Variants in ZNRF3 observed in about 807,000 individuals in gnomAD.
ZNRF3 encodes the protein zinc and ring finger 3.
ZNRF3 carries 23 observed loss-of-function variants against 72.5 expected under a neutral mutation model. The ratio of observed to expected loss-of-function variants is 0.32; its 90% CI spans 0.23 to 0.45. ZNRF3 has a LOEUF of 0.45. Ranked by LOEUF, ZNRF3 falls within the 20% of genes least tolerant of loss-of-function variation. The pLI, the probability that ZNRF3 is intolerant of heterozygous loss-of-function variation, is 1.00. For synonymous variants in ZNRF3, 610 were observed against 545.3 expected, an observed-to-expected ratio of 1.12 and a Z score of -1.65; for missense variants, 1,169 against 1,272.1, an observed-to-expected ratio of 0.92 and a Z score of 1.23.
At chr22:28,941,005 A>G (rs1024367552) in intron 1 of ZNRF3, among the ~76,000 whole-genome samples, 1 of 151,634 alleles carries the variant, frequency 6.6e-6, no homozygotes, top group African/African-American at 2.4e-5. Context: ...GTTCTCTGGC[A>G]TGTTTAGTGA....
At chr22:28,965,212 CATT>C (rs1183852371) in intron 1 of ZNRF3, among the ~76,000 whole-genome samples, 1 of 152,134 alleles carries the variant, frequency 6.6e-6, no homozygotes, top group African/African-American at 2.4e-5. Flanking sequence ...CTAATACTGA[CATT>C]ATAAGGTTGT....
At position 29,030,575 on chromosome 22, in the gene ZNRF3, C is replaced by G. The variant is rs1008556628; in HGVS notation, c.427-11920C>G. On this transcript the variant is annotated intron_variant, in intron 2 of 8. Coordinates refer to ENST00000544604, the MANE Select transcript of ZNRF3 (RefSeq NM_001206998.2). The surrounding 1 kb of genome is among the most constrained non-coding windows in gnomAD (Gnocchi z 4.2). ...ACGGGAGCCTTTGGAGGCTTAATGA[C>G]TTTAATTATGGCGAGAAATATCTTC... 1.3e-5 allele frequency among the ~76,000 whole-genome samples: 2 copies of G among 152,134 alleles called. No individual in the cohort carries two copies. Among genetic ancestry groups the G allele is most frequent in the Admixed American group, 6.5e-5 (1 of 15,278 alleles).
In ZNRF3 at chr22:29,050,135, T is replaced by G; in HGVS notation, c.1954T>G (p.Ser652Ala). Reference protein sequence around the residue: ...GRGEPWPGPASPSGDQVSTCS... With the variant: ...GRGEPWPGPAAPSGDQVSTCS... ...GGGCGAGCCTTGGCCGGGCCCTGCC[T>G]CTCCCTCGGGGGATCAGGTGTCCAC... Residue 652 changes from serine (S) to alanine (A), a missense_variant, in exon 8 of 9, where the codon TCT becomes GCT. By Grantham distance (99) the Ser-to-Ala change is moderately conservative (BLOSUM62 1). Coordinates refer to ENST00000544604, the MANE Select transcript of ZNRF3 (RefSeq NM_001206998.2). 1.2e-6 allele frequency: 2 copies of G among 1,605,876 alleles called. No individual in the cohort carries two copies. The highest frequency in any genetic ancestry group is 1.7e-6 in the Non-Finnish European group (2 of 1,179,822).
chr22:29,020,808 T>TGTGTTTGA (rs1330346275), intron 2 of ZNRF3, among the ~76,000 whole-genome samples: 1 of 146,742 alleles, frequency 6.8e-6, no homozygotes, highest in Admixed American at 7.0e-5. Context: ...TGTGTGTGTG[T>TGTGTTTGA]GTGTTTGAGA....
intron 1 of ZNRF3, among the ~76,000 whole-genome samples, chr22:28,966,942 T>C (rs1292558983): frequency 6.9e-6 from 1 of 145,690 alleles, no homozygotes; most frequent in Non-Finnish European, 1.5e-5. Flanking sequence ...TGCAGTGGCA[T>C]AATCTCGGCT....
At chr22:29,043,079 G>A (rs1209175965) in intron 3 of ZNRF3, among the ~76,000 whole-genome samples, 1 of 152,094 alleles carries the variant, frequency 6.6e-6, no homozygotes, top group Non-Finnish European at 1.5e-5. Context: ...GGTTCAGGGG[G>A]CATTTTCTAA....
chr22:28,946,576 G>A (rs981012450), intron 1 of ZNRF3, among the ~76,000 whole-genome samples: 3 of 152,198 alleles, frequency 2.0e-5, no homozygotes, highest in East Asian at 3.9e-4. Flanking sequence ...AAATACGGAC[G>A]AATGGCAAGG....
Position 29,050,468 on chromosome 22 carries a change from CCCGA to C in ZNRF3, c.2290_2293del (p.Asp764IlefsTer8). On this transcript the variant is annotated frameshift_variant, in exon 8 of 9. Coordinates refer to ENST00000544604, the MANE Select transcript of ZNRF3 (RefSeq NM_001206998.2). LOFTEE classifies it high-confidence loss of function. The stretch of plus-strand genomic sequence containing the variant: ...CTCCCAGGGCTTGTACGGCCTTCAC[CCCGA>C]CCATTTGCCCAGGACAGATGGGGTG... 2 of 1,612,618 alleles carry C rather than the reference CCCGA, an allele frequency of 1.2e-6. No individual in the cohort carries two copies. The highest frequency in any genetic ancestry group is 4.5e-5 in the East Asian group (2 of 44,868).
chr22:29,043,581 C>T, intron 4 of ZNRF3, 151 bp downstream of exon 4: 1 of 924,300 alleles, frequency 1.1e-6, no homozygotes, highest in East Asian at 2.7e-5. Context: ...GACTCAAGGC[C>T]AGGGTGAAAT....
intron 8 of ZNRF3, 113 bp downstream of exon 8, chr22:29,051,061 C>T (rs976267832): frequency 8.1e-7 from 1 of 1,230,322 alleles, no homozygotes; most frequent in African/African-American, 1.5e-5. Context: ...TTTTAAACAC[C>T]ATCTGAGGCT....
At position 29,030,226 on chromosome 22, in the gene ZNRF3, A is replaced by C. The variant is rs764627684; in HGVS notation, c.427-12269A>C. 6.6e-6 allele frequency among the ~76,000 whole-genome samples: 1 copy of C among 152,152 alleles called. No homozygotes were observed. Among genetic ancestry groups the C allele is most frequent in the Non-Finnish European group, 1.5e-5 (1 of 68,030 alleles). ...TTTCTTGGAACTGGCCTAAACGTCT[A>C]TGTTTAAGATTAAGATCTAGGGAAA... On this transcript the variant is annotated intron_variant, in intron 2 of 8. Coordinates refer to ENST00000544604, the MANE Select transcript of ZNRF3 (RefSeq NM_001206998.2). The surrounding 1 kb of genome is among the most constrained non-coding windows in gnomAD (Gnocchi z 4.2).
At chr22:28,997,404 T>TG (rs1328666899) in intron 2 of ZNRF3, among the ~76,000 whole-genome samples, 2 of 126,200 alleles carry the variant, frequency 1.6e-5, no homozygotes, top group Admixed American at 8.7e-5. Flanking sequence ...ATGTCAGGGT[T>TG]GGGGGGTGGG....
At chr22:28,917,571 G>C in intron 1 of ZNRF3, 1 of 471,316 alleles carries the variant, frequency 2.1e-6, no homozygotes, top group Non-Finnish European at 2.8e-6. Flanking sequence ...TCTTATAGCT[G>C]GGTGCCTATA....
intron 1 of ZNRF3, among the ~76,000 whole-genome samples, chr22:28,959,088 T>C (rs1308412984): frequency 6.6e-6 from 1 of 152,236 alleles, no homozygotes; most frequent in Non-Finnish European, 1.5e-5. Flanking sequence ...TCCTGCAGCC[T>C]TGGGTGAGAA....
intron 1 of ZNRF3, among the ~76,000 whole-genome samples, chr22:28,924,207 G>C (rs1420828905): frequency 6.6e-6 from 1 of 152,222 alleles, no homozygotes; most frequent in Non-Finnish European, 1.5e-5. Context: ...CATCTGGAGG[G>C]CTCCACTCTG....
chr22:28,906,783 G>A (rs1029435467), intron 1 of ZNRF3, among the ~76,000 whole-genome samples: 12 of 152,064 alleles, frequency 7.9e-5, no homozygotes, highest in African/African-American at 2.9e-4. Context: ...CCACTGGCTT[G>A]GATTTTTATT....
intron 1 of ZNRF3, among the ~76,000 whole-genome samples, chr22:28,919,633 A>C (rs1027593762): frequency 6.7e-6 from 1 of 149,518 alleles, no homozygotes; most frequent in African/African-American, 2.5e-5. Context: ...CAGCCTCCCG[A>C]GTAGCTGGGA....
At chr22:29,027,646 T>C (rs1343155486) in intron 2 of ZNRF3, among the ~76,000 whole-genome samples, 2 of 152,202 alleles carry the variant, frequency 1.3e-5, no homozygotes, top group Admixed American at 6.5e-5. Flanking sequence ...TGTCATCATT[T>C]CTTGGCCTAA....
chr22:29,019,707 C>T (rs1238544667), intron 2 of ZNRF3, among the ~76,000 whole-genome samples: 3 of 152,130 alleles, frequency 2.0e-5, no homozygotes, highest in South Asian at 2.1e-4. Context: ...ACCCAAACTA[C>T]ACCAAGCACT....
Sources: allele counts gnomAD v4.1 joint callset (sites outside exome capture counted in the v4.1 genomes callset), GRCh38; gene constraint gnomAD v4.1.1; non-coding constraint Gnocchi (gnomAD v3.1); transcripts MANE v1.5; gene names NCBI Gene and HGNC (gene_info 2026-07-23, HGNC 2026-07-21).